Variants in SUGCT observed in about 807,000 individuals in gnomAD.
The protein encoded by SUGCT is succinyl-CoA:glutarate-CoA transferase.
Under a neutral mutation model 55.0 loss-of-function variants are expected in SUGCT, and 41 were observed. The ratio of observed to expected loss-of-function variants is 0.74; its 90% CI spans 0.58 to 0.97. SUGCT has a LOEUF of 0.97. SUGCT is among the 50% of genes least tolerant of loss of function. SUGCT has a pLI of 0.00. For synonymous variants in SUGCT, 187 were observed against 200.4 expected (o/e 0.93, Z 0.56); for missense variants, 568 against 547.8 (o/e 1.04, Z -0.37).
At chr7:40,603,221 T>G (rs1401924657) in intron 12 of SUGCT, among the ~76,000 whole-genome samples, 1 of 152,202 alleles carries the variant, frequency 6.6e-6, no homozygotes, top group East Asian at 1.9e-4. Context: ...ACTCTATATT[T>G]ACACTTGAAT....
intron 6 of SUGCT, among the ~76,000 whole-genome samples, chr7:40,234,841 C>T (rs989131797): frequency 1.3e-5 from 2 of 151,232 alleles, no homozygotes; most frequent in Admixed American, 6.6e-5. Flanking sequence ...CACAGTCAGT[C>T]GAGGTTGCGG....
the SUGCT span, among the ~76,000 whole-genome samples, chr7:40,953,440 CT>C: frequency 6.6e-6 from 1 of 152,204 alleles, no homozygotes; most frequent in African/African-American, 2.4e-5. Flanking sequence ...CTGAAGCCTT[CT>C]TCTTTCAACT....
At chr7:40,188,672 T>C (rs1383679362) in intron 4 of SUGCT, 92 bp downstream of exon 4, 2 of 714,142 alleles carry the variant, frequency 2.8e-6, no homozygotes, top group Admixed American at 6.9e-5. Context: ...TTTTCTTCCT[T>C]AAAAAAATTA....
At chr7:40,759,578 C>G (rs77874948) in intron 13 of SUGCT, among the ~76,000 whole-genome samples, 1 of 151,632 alleles carries the variant, frequency 6.6e-6, no homozygotes, top group Non-Finnish European at 1.5e-5. Context: ...AATCTGTCCT[C>G]TTTTCTCTAT....
chr7:40,731,253 A>C (rs554590523), intron 12 of SUGCT, among the ~76,000 whole-genome samples: 1 of 152,318 alleles, frequency 6.6e-6, no homozygotes, highest in South Asian at 2.1e-4. Context: ...GGTCGAACAT[A>C]ATAGTCCAGT....
intron 7 of SUGCT, among the ~76,000 whole-genome samples, chr7:40,252,008 G>A (rs537341025): frequency 6.6e-6 from 1 of 151,716 alleles, no homozygotes; most frequent in Non-Finnish European, 1.5e-5. Context: ...CTGCCTTAAT[G>A]TGTTTGTTCA....
intron 13 of SUGCT, among the ~76,000 whole-genome samples, chr7:40,846,786 C>A (rs1793578080): frequency 6.6e-6 from 1 of 152,182 alleles, no homozygotes; most frequent in African/African-American, 2.4e-5. Flanking sequence ...TGTTAACGAG[C>A]ACGCACTTTG....
chr7:40,312,049 A>ATT (rs1795183819), intron 8 of SUGCT, among the ~76,000 whole-genome samples: 1 of 95,652 alleles, frequency 1.0e-5, no homozygotes, highest in Non-Finnish European at 2.5e-5. Flanking sequence ...TCCTCACATA[A>ATT]GTTTTTTTTT....
intron 12 of SUGCT, among the ~76,000 whole-genome samples, chr7:40,678,268 G>A (rs1186578203): frequency 6.6e-6 from 1 of 152,112 alleles, no homozygotes; most frequent in Non-Finnish European, 1.5e-5. Context: ...GATCTAAGGT[G>A]CTGCTCCTAT....
the SUGCT span, among the ~76,000 whole-genome samples, chr7:40,971,162 G>A: frequency 1.3e-5 from 2 of 152,180 alleles, no homozygotes; most frequent in Admixed American, 6.5e-5. Flanking sequence ...AGAAGGTGAA[G>A]TGGAAGCAGG....
chr7:40,446,380 A>G (rs979221584), intron 9 of SUGCT, among the ~76,000 whole-genome samples: 2 of 152,148 alleles, frequency 1.3e-5, no homozygotes, highest in South Asian at 4.1e-4. Flanking sequence ...CAACCTGTGT[A>G]ACTTCACAGT....
At chr7:40,477,667 T>C (rs1025407116) in intron 11 of SUGCT, among the ~76,000 whole-genome samples, 1 of 152,192 alleles carries the variant, frequency 6.6e-6, no homozygotes, top group African/African-American at 2.4e-5. Flanking sequence ...AATGGGTAAA[T>C]GTAAAATAGT....
chr7:40,898,588 G>A, the SUGCT span, among the ~76,000 whole-genome samples: 2 of 151,684 alleles, frequency 1.3e-5, no homozygotes, highest in Non-Finnish European at 2.9e-5. Flanking sequence ...TTTGGGCGAG[G>A]TGGTGGGCGC....
intron 12 of SUGCT, among the ~76,000 whole-genome samples, chr7:40,526,617 G>A (rs1046429541): frequency 6.6e-6 from 1 of 152,132 alleles, no homozygotes; most frequent in Admixed American, 6.5e-5. Flanking sequence ...CAGTGGTTTG[G>A]GAGGGATTGG....
chr7:40,271,403 T>A (rs993089106), intron 7 of SUGCT, among the ~76,000 whole-genome samples: 37 of 152,192 alleles, frequency 2.4e-4, no homozygotes, highest in African/African-American at 7.7e-4. Flanking sequence ...TGTGGGATTA[T>A]AGGAATGAGC....
chr7:40,288,563 G>T (rs1452612470), intron 8 of SUGCT, among the ~76,000 whole-genome samples: 5 of 151,320 alleles, frequency 3.3e-5, no homozygotes, highest in Non-Finnish European at 5.9e-5. Context: ...ATTTGATTTT[G>T]GGAATTTTTG....
chr7:40,686,986 G>T (rs769216564), intron 12 of SUGCT, among the ~76,000 whole-genome samples: 3 of 151,984 alleles, frequency 2.0e-5, no homozygotes, highest in Non-Finnish European at 2.9e-5. Context: ...CCAGTCCCAG[G>T]ATTCACATGT....
intron 9 of SUGCT, among the ~76,000 whole-genome samples, chr7:40,347,742 T>C (rs1331125775): frequency 6.6e-6 from 1 of 152,238 alleles, no homozygotes; most frequent in African/African-American, 2.4e-5. Flanking sequence ...ATCAATTTGC[T>C]AGCTTTATTA....
At chr7:40,511,986 T>C (rs573037586) in intron 12 of SUGCT, among the ~76,000 whole-genome samples, 21 of 152,290 alleles carry the variant, frequency 1.4e-4, no homozygotes, top group Non-Finnish European at 2.8e-4. Context: ...CTCCACACAA[T>C]TGTAGTTGAT....
Sources: gnomAD v4.1 joint callset for allele counts (sites outside exome capture counted in the v4.1 genomes callset) on GRCh38, gnomAD v4.1.1 for gene constraint, MANE v1.5 for transcripts, NCBI Gene and HGNC (gene_info 2026-07-23, HGNC 2026-07-21) for gene names.